STXBP4: variants seen among roughly 807,000 people sequenced by gnomAD.
The protein encoded by STXBP4 is syntaxin binding protein 4, also known as syntaxin-binding protein 4.
A neutral mutation model predicts 76.1 loss-of-function variants in STXBP4; 55 were observed. The observed-to-expected ratio is 0.72, with a 90% CI of 0.58 to 0.91. The LOEUF (loss-of-function observed/expected upper bound fraction) is 0.91, where lower values mean the gene tolerates loss of function less well. STXBP4 is among the 40% of genes least tolerant of loss of function. STXBP4 has a pLI of 0.00. For missense variants in STXBP4, 618 were observed against 636.9 expected, an observed-to-expected ratio of 0.97 and a Z score of 0.32; for synonymous variants, 201 against 220.2, an observed-to-expected ratio of 0.91 and a Z score of 0.77.
At chr17:54,983,347 T>C (rs2077577297) in intron 1 of STXBP4, among the ~76,000 whole-genome samples, 1 of 152,256 alleles carries the variant, frequency 6.6e-6, no homozygotes, top group African/African-American at 2.4e-5. Flanking sequence ...GAATCTATTG[T>C]AGAGTAGCAT....
At chr17:55,148,046 C>G (rs936708860) in intron 17 of STXBP4, among the ~76,000 whole-genome samples, 13 of 152,176 alleles carry the variant, frequency 8.5e-5, no homozygotes, top group African/African-American at 3.1e-4. Context: ...GAGAACACCC[C>G]TACCCCAAAT....
chr17:55,094,167 A>G (rs931838343), intron 16 of STXBP4, among the ~76,000 whole-genome samples: 73 of 133,268 alleles, frequency 5.5e-4, no homozygotes, highest in Non-Finnish European at 3.2e-4. Flanking sequence ...AGGGACAGGA[A>G]AAAAAAAAAA....
At chr17:54,978,374 CT>C (rs2077500990) in intron 1 of STXBP4, among the ~76,000 whole-genome samples, 1 of 114,096 alleles carries the variant, frequency 8.8e-6, no homozygotes, top group Non-Finnish European at 1.9e-5. Context: ...CTATGAGCTT[CT>C]TTGCTATGAG....
chr17:55,161,309 T>A lies in STXBP4; in HGVS notation c.*1398T>A, dbSNP rs1278753968. 1 of 152,232 alleles carries A rather than the reference T, an allele frequency of 6.6e-6. No individual in the cohort carries two copies. The highest frequency in any genetic ancestry group is 1.5e-5 in the Non-Finnish European group (1 of 68,038). 9.4% of individuals were successfully genotyped at this position (152,232 alleles called of 1,614,324 possible). ...ATTAGCCATGAGAAATGTTTCAGGATGGCTAGGGAAGACTTGTGTTTTGCC... is the reference window on the plus strand; with the variant it reads ...ATTAGCCATGAGAAATGTTTCAGGAAGGCTAGGGAAGACTTGTGTTTTGCC... On this transcript the variant is annotated 3_prime_UTR_variant, in exon 18 of 18. Coordinates refer to ENST00000376352, the MANE Select transcript of STXBP4 (RefSeq NM_178509.6).
chr17:55,080,890 T>C (rs2079246731), intron 15 of STXBP4, among the ~76,000 whole-genome samples, 160 bp from the exon 16 acceptor site: 1 of 152,186 alleles, frequency 6.6e-6, no homozygotes, highest in Non-Finnish European at 1.5e-5. Context: ...AACAGAAATA[T>C]TGTTTTATGT....
intron 8 of STXBP4, among the ~76,000 whole-genome samples, chr17:55,015,236 T>A (rs1472395510): frequency 6.6e-6 from 1 of 152,206 alleles, no homozygotes; most frequent in Non-Finnish European, 1.5e-5. Context: ...TTCCTAGTTT[T>A]CCTTAGTCCT....
At chr17:55,085,815 T>G (rs2079319186) in intron 16 of STXBP4, among the ~76,000 whole-genome samples, 1 of 152,110 alleles carries the variant, frequency 6.6e-6, no homozygotes, top group South Asian at 2.1e-4. Context: ...GTTTTCCCAA[T>G]AAATATATAC....
intron 16 of STXBP4, among the ~76,000 whole-genome samples, chr17:55,109,034 T>A (rs962896125): frequency 6.6e-6 from 1 of 152,218 alleles, no homozygotes; most frequent in African/African-American, 2.4e-5. Context: ...TTCAGATTGA[T>A]AGTATTATTT....
intron 4 of STXBP4, among the ~76,000 whole-genome samples, chr17:54,997,818 G>A (rs1385716692): frequency 1.3e-5 from 2 of 149,182 alleles, no homozygotes; most frequent in Non-Finnish European, 3.0e-5. Flanking sequence ...GAACTCCTGG[G>A]CTCAAGCAAT....
At chr17:55,048,973 C>G (rs534537197) in intron 12 of STXBP4, among the ~76,000 whole-genome samples, 6 of 151,956 alleles carry the variant, frequency 3.9e-5, no homozygotes, top group Admixed American at 1.3e-4. Flanking sequence ...AATTATTAGA[C>G]TTTAGAGGAA....
At chr17:55,191,285 A>G in the STXBP4 span, among the ~76,000 whole-genome samples, 1 of 152,168 alleles carries the variant, frequency 6.6e-6, no homozygotes, top group African/African-American at 2.4e-5. Flanking sequence ...TACAATGTGC[A>G]TATGTGCCAC....
At position 55,132,568 on chromosome 17, in the gene STXBP4, G is replaced by T. The variant is rs541068726; in HGVS notation, c.1490-8742G>T. Among the ~76,000 whole-genome samples the T allele has an allele frequency of 2.6e-5, 4 of 152,180 alleles. No homozygotes were observed. In the South Asian group the frequency reaches 8.3e-4, roughly 32 times the overall value. Reference sequence around the variant, plus strand: ...AAATTTTACATCCTATTGAATAGTAGGTATTTGTATAAATATAGATACTTG... The same window carrying T: ...AAATTTTACATCCTATTGAATAGTATGTATTTGTATAAATATAGATACTTG... On this transcript the variant is annotated intron_variant, in intron 16 of 17. Transcript: ENST00000376352.
intron 9 of STXBP4, among the ~76,000 whole-genome samples, chr17:55,031,563 T>G (rs541369894): frequency 3.9e-5 from 6 of 152,146 alleles, no homozygotes; most frequent in African/African-American, 1.4e-4. Flanking sequence ...AAAGAAACAG[T>G]ACAAAATATG....
intron 16 of STXBP4, among the ~76,000 whole-genome samples, chr17:55,085,146 G>A (rs1170049383): frequency 6.6e-6 from 1 of 151,602 alleles, no homozygotes; most frequent in Non-Finnish European, 1.5e-5. Context: ...CTCATAGGTG[G>A]GAATTGAACA....
At chr17:55,120,479 A>T (rs935467426) in intron 16 of STXBP4, among the ~76,000 whole-genome samples, 1 of 152,224 alleles carries the variant, frequency 6.6e-6, no homozygotes, top group African/African-American at 2.4e-5. Flanking sequence ...TATATCTAGC[A>T]TCAGAAGTCT....
chr17:54,984,332 CTTTTTTCTTTTT>C (rs1361645818), intron 1 of STXBP4, among the ~76,000 whole-genome samples: 1 of 130,284 alleles, frequency 7.7e-6, no homozygotes, highest in Non-Finnish European at 1.6e-5. Flanking sequence ...CTCTCTTTTT[CTTTTTTCTTTTT>C]TTTTTTTTTT....
intron 9 of STXBP4, among the ~76,000 whole-genome samples, chr17:55,033,151 G>A (rs1444499393): frequency 4.6e-5 from 7 of 152,020 alleles, no homozygotes; most frequent in African/African-American, 1.2e-4. Context: ...AGGTGGGTGC[G>A]TCACCTGAGG....
At chr17:55,016,783 T>G (rs948523917) in intron 8 of STXBP4, among the ~76,000 whole-genome samples, 6 of 152,222 alleles carry the variant, frequency 3.9e-5, no homozygotes, top group Non-Finnish European at 8.8e-5. Flanking sequence ...TAAATTACCT[T>G]TTTCTAACAG....
chr17:55,073,043 G>T lies in STXBP4; in HGVS notation c.1155G>T (p.Lys385Asn). The change falls in exon 13 of 18, where the codon AAG becomes AAT. Residue 385 changes from lysine (K) to asparagine (N), a missense_variant. Transcript: ENST00000376352. ...TAGAGGCCAAGATTACAGAGCTAAAGGCTCAGCTTGCTGATTATTCTGACC... is the reference window on the plus strand; with the variant it reads ...TAGAGGCCAAGATTACAGAGCTAAATGCTCAGCTTGCTGATTATTCTGACC... ...RLLEAKITEL[K>N]AQLADYSDQN... 1.2e-6 allele frequency: 2 copies of T among 1,613,844 alleles called. No homozygotes were observed. The highest frequency in any genetic ancestry group is 1.7e-4 in the Middle Eastern group (1 of 6,060).
Sources: gnomAD v4.1 joint callset for allele counts (sites outside exome capture counted in the v4.1 genomes callset) on GRCh38, gnomAD v4.1.1 for gene constraint, MANE v1.5 for transcripts, NCBI Gene and HGNC (gene_info 2026-07-23, HGNC 2026-07-21) for gene names.